CFAP44: variants seen among roughly 807,000 people sequenced by gnomAD.
CFAP44 encodes the protein cilia and flagella associated protein 44.
A neutral mutation model predicts 216.2 loss-of-function variants in CFAP44; 134 were observed. The observed-to-expected ratio is 0.62, with a 90% CI of 0.54 to 0.72. The LOEUF is 0.72. Ranked by LOEUF, CFAP44 falls within the 30% of genes least tolerant of loss-of-function variation. CFAP44 has a pLI of 0.00. For missense variants in CFAP44, 2,035 were observed against 2,182.1 expected, an observed-to-expected ratio of 0.93 and a Z score of 1.34; for synonymous variants, 700 against 727.6, an observed-to-expected ratio of 0.96 and a Z score of 0.61.
chr3:113,310,168 C>A (rs1451284962), intron 28 of CFAP44, among the ~76,000 whole-genome samples: 1 of 152,322 alleles, frequency 6.6e-6, no homozygotes, highest in Non-Finnish European at 1.5e-5. Flanking sequence ...GCCTCACCCC[C>A]ACCCTCACCA....
At chr3:113,376,418 C>T (rs1481543605) in intron 17 of CFAP44, among the ~76,000 whole-genome samples, 6 of 152,120 alleles carry the variant, frequency 3.9e-5, no homozygotes, top group Non-Finnish European at 7.4e-5. Flanking sequence ...ATATTTAAAG[C>T]CATGAGACTG....
At chr3:113,438,151 T>A (rs1293069751) in intron 1 of CFAP44, among the ~76,000 whole-genome samples, 1 of 152,230 alleles carries the variant, frequency 6.6e-6, no homozygotes, top group African/African-American at 2.4e-5. Flanking sequence ...AAACACCTAC[T>A]AGGCACTCAG....
intron 8 of CFAP44, 181 bp from the exon 9 acceptor site, chr3:113,404,197 C>T (rs932562289): frequency 1.4e-4 from 91 of 654,042 alleles, no homozygotes; most frequent in Non-Finnish European, 2.0e-4. Flanking sequence ...CTACCAATAA[C>T]ATTTTGATGT....
At chr3:113,371,373 A>C (rs1281024493) in intron 18 of CFAP44, among the ~76,000 whole-genome samples, 2 of 152,258 alleles carry the variant, frequency 1.3e-5, no homozygotes, top group African/African-American at 4.8e-5. Context: ...TACTGGTACC[A>C]AAACAGATAT....
chr3:113,425,246 A>G (rs1934928722), intron 4 of CFAP44, among the ~76,000 whole-genome samples: 1 of 152,212 alleles, frequency 6.6e-6, no homozygotes, highest in African/African-American at 2.4e-5. Context: ...GTCAGGGAGT[A>G]CACCACCCTA....
At chr3:113,292,563 T>G (rs541201177) in intron 34 of CFAP44, among the ~76,000 whole-genome samples, 4 of 152,334 alleles carry the variant, frequency 2.6e-5, no homozygotes, top group Non-Finnish European at 4.4e-5. Context: ...TTGCATATGC[T>G]CTCTCATCTA....
intron 28 of CFAP44, among the ~76,000 whole-genome samples, chr3:113,316,095 A>G (rs1950084199): frequency 6.6e-6 from 1 of 152,252 alleles, no homozygotes. Context: ...AATACAGAAT[A>G]TGTTCTCCGA....
intron 22 of CFAP44, among the ~76,000 whole-genome samples, chr3:113,353,047 G>A (rs73235075): frequency 0.028 from 4,293 of 152,254 alleles, 89 homozygotes; most frequent in Non-Finnish European, 0.041. Context: ...TAACAAGGAC[G>A]GTAGGGAGGC....
intron 30 of CFAP44, among the ~76,000 whole-genome samples, chr3:113,305,358 C>A (rs1949975381): frequency 6.6e-6 from 1 of 152,198 alleles, no homozygotes; most frequent in South Asian, 2.1e-4. Flanking sequence ...ACTCTTCAGT[C>A]ATTTCTATGA....
chr3:113,317,996 T>C lies in CFAP44; in HGVS notation c.4516+8449A>G, dbSNP rs572814632. Among the ~76,000 whole-genome samples, 6 of 151,462 alleles carry C rather than the reference T, an allele frequency of 4.0e-5. No homozygotes were observed. In the East Asian group the frequency reaches 7.7e-4, roughly 20 times the overall value. ...GAACACACCTGCAAACACTAGGAAATACTAAAGAGCTGTGCAGCTGGGTAT... is the reference window on the plus strand; with the variant it reads ...GAACACACCTGCAAACACTAGGAAACACTAAAGAGCTGTGCAGCTGGGTAT... On this transcript the variant is annotated intron_variant, in intron 28 of 34. Coordinates refer to ENST00000393845, the MANE Select transcript of CFAP44 (RefSeq NM_001164496.2).
chr3:113,327,922 C>T, intron 26 of CFAP44, 103 bp from the exon 27 acceptor site: 1 of 1,005,218 alleles, frequency 9.9e-7, no homozygotes, highest in Non-Finnish European at 1.4e-6. Flanking sequence ...TTTATTATGC[C>T]CTTATGGATG....
intron 18 of CFAP44, among the ~76,000 whole-genome samples, chr3:113,366,670 T>A (rs1195211858): frequency 6.6e-6 from 1 of 152,202 alleles, no homozygotes; most frequent in Non-Finnish European, 1.5e-5. Flanking sequence ...GATTTCTGCA[T>A]TTCCAACTGA....
intron 2 of CFAP44, among the ~76,000 whole-genome samples, chr3:113,428,170 C>T (rs1576608172): frequency 6.6e-6 from 1 of 152,192 alleles, no homozygotes; most frequent in South Asian, 2.1e-4. Flanking sequence ...GAGAACTACT[C>T]TCTAATAATA....
Position 113,366,184 on chromosome 3 carries a change from T to C in CFAP44, c.2570A>G (p.Asn857Ser). The C allele has an allele frequency of 6.2e-7, 1 of 1,614,100 alleles. No individual in the cohort carries two copies. The highest frequency in any genetic ancestry group is 8.5e-7 in the Non-Finnish European group (1 of 1,179,994). The change falls in exon 19 of 35, where the codon AAT (asparagine) becomes AGT (serine). Residue 857 changes from asparagine (N) to serine (S), a missense_variant. Asn to Ser is a conservative substitution (Grantham distance 46). Around this residue, in one of 3 missense-constraint regions of CFAP44, gnomAD observed 1,883 missense variants for 2,023.7 expected, o/e 0.93. Transcript: ENST00000393845. Reference protein sequence around the residue: ...DYWHFNMHDNNYGCIKSIANS... With the variant: ...DYWHFNMHDNSYGCIKSIANS... Reference sequence around the variant, plus strand: ...AGCAATACTTTTAATACATCCATAATTATTGTCATGCATATTGAAGTGCCA... The same window carrying C: ...AGCAATACTTTTAATACATCCATAACTATTGTCATGCATATTGAAGTGCCA...
rs150737765 is a variant in CFAP44 at position 113,300,715 on chromosome 3, T to C, written c.5077+3201A>G. On this transcript the variant is annotated intron_variant, in intron 32 of 34. Coordinates refer to ENST00000393845, the MANE Select transcript of CFAP44 (RefSeq NM_001164496.2). ...ATACATGAACAGACATTTTATAGAA[T>C]AGGAAACATTAAAGGCCCAAAGACA... Among the ~76,000 whole-genome samples, 636 of 152,016 alleles carry C rather than the reference T, an allele frequency of 4.2e-3. 32 individuals are homozygous for C. In the East Asian group the frequency reaches 0.1, roughly 25 times the overall value.
intron 7 of CFAP44, among the ~76,000 whole-genome samples, chr3:113,407,658 A>G (rs79549934): frequency 0.072 from 10,995 of 152,300 alleles, 452 homozygotes; most frequent in East Asian, 0.15. Flanking sequence ...AACAGTGCCT[A>G]TCATATCAAA....
At position 113,326,496 on chromosome 3, in the gene CFAP44, G is replaced by A. The variant is rs1950190798; in HGVS notation, c.4465C>T (p.Leu1489=). The A allele has an allele frequency of 6.5e-7, 1 of 1,528,028 alleles. No homozygotes were observed. 94.7% of individuals were successfully genotyped at this position (1,528,028 alleles called of 1,614,324 possible). The change falls in exon 28 of 35, where the codon CTA becomes TTA. Residue 1489 remains leucine (L), a synonymous_variant. Coordinates refer to ENST00000393845, the MANE Select transcript of CFAP44 (RefSeq NM_001164496.2). ...NKFANFLMKV[L]KKKIKRVKKK... is the part of the protein sequence containing the mutation. ...TTTACCCGTTTAATCTTCTTCTTTA[G>A]GACCTTCATGAGGAAGTTTGCAAAT...
intron 15 of CFAP44, among the ~76,000 whole-genome samples, chr3:113,390,850 C>T (rs1474177439): frequency 1.3e-5 from 2 of 151,370 alleles, no homozygotes; most frequent in African/African-American, 4.9e-5. Flanking sequence ...TGAAGAGGAA[C>T]AAAAAAAGGA....
chr3:113,304,583 C>A (rs556388850), intron 31 of CFAP44, among the ~76,000 whole-genome samples: 50 of 152,248 alleles, frequency 3.3e-4, no homozygotes, highest in African/African-American at 1.1e-3. Context: ...AGTTGCAATT[C>A]AAATAGAAAT....
Sources: allele counts gnomAD v4.1 joint callset (sites outside exome capture counted in the v4.1 genomes callset), GRCh38; gene constraint gnomAD v4.1.1; regional missense constraint gnomAD v4.1.1; transcripts MANE v1.5; gene names NCBI Gene and HGNC (gene_info 2026-07-23, HGNC 2026-07-21).